The following MDGA2 variants were observed in gnomAD, a reference collection of about 807,000 sequenced individuals.
MDGA2 encodes MAM domain-containing glycosylphosphatidylinositol anchor protein 2.
MDGA2 carries 40 observed loss-of-function variants against 117.8 expected under a neutral mutation model. That is an observed-to-expected ratio of 0.34 (90% CI 0.26 to 0.44). The LOEUF is 0.44. MDGA2 is among the 20% of genes least tolerant of loss of function. The pLI is 1.00. For missense variants in MDGA2, 1,123 were observed against 1,250.6 expected (o/e 0.90, Z 1.54); for synonymous variants, 452 against 439.0 (o/e 1.03, Z -0.37).
intron 3 of MDGA2, among the ~76,000 whole-genome samples, chr14:47,211,630 C>T (rs1029056291): frequency 6.6e-6 from 1 of 152,092 alleles, no homozygotes; most frequent in Admixed American, 6.6e-5. Context: ...TGCCCTCTTC[C>T]CTAAAGGCAG....
chr14:47,147,038 CA>C (rs1882970073), intron 3 of MDGA2, among the ~76,000 whole-genome samples: 1 of 152,014 alleles, frequency 6.6e-6, no homozygotes, highest in East Asian at 1.9e-4. Context: ...GATTTAAAAA[CA>C]ACATGCCAAA....
chr14:47,177,113 C>T (rs2139352670), intron 3 of MDGA2, among the ~76,000 whole-genome samples: 1 of 152,306 alleles, frequency 6.6e-6, no homozygotes, highest in South Asian at 2.1e-4. Flanking sequence ...TACCATCTCA[C>T]ACCAGTTAGA....
intron 1 of MDGA2, among the ~76,000 whole-genome samples, chr14:47,421,159 T>C (rs1019640613): frequency 3.9e-5 from 6 of 152,104 alleles, no homozygotes; most frequent in Admixed American, 2.0e-4. Flanking sequence ...GTCAGTTTGA[T>C]GTAACGTATC....
At chr14:47,127,185 G>A (rs897252440) in intron 5 of MDGA2, among the ~76,000 whole-genome samples, 51 of 152,080 alleles carry the variant, frequency 3.4e-4, no homozygotes, top group Non-Finnish European at 1.0e-4. Flanking sequence ...TTAAAATACA[G>A]TAATTTTACG....
chr14:47,133,522 T>G (rs946468631), intron 4 of MDGA2, among the ~76,000 whole-genome samples: 13 of 151,984 alleles, frequency 8.6e-5, no homozygotes, highest in Non-Finnish European at 1.6e-4. Flanking sequence ...TAACATTTCA[T>G]TAGGTGGCAT....
intron 2 of MDGA2, among the ~76,000 whole-genome samples, chr14:47,280,679 T>C (rs1888457923): frequency 6.6e-6 from 1 of 152,062 alleles, no homozygotes; most frequent in South Asian, 2.1e-4. Flanking sequence ...TTCATCATAT[T>C]ATACTAAAAA....
chr14:47,674,694 G>C lies in MDGA2; in HGVS notation c.103C>G (p.Leu35Val). The C allele has an allele frequency of 9.1e-7, 1 of 1,104,064 alleles. No individual in the cohort carries two copies. The highest frequency in any genetic ancestry group is 1.3e-5 in the South Asian group (1 of 75,172). 68.4% of individuals were successfully genotyped at this position (1,104,064 alleles called of 1,614,324 possible). A position where few individuals can be genotyped will look rare whatever the true frequency, so the allele number is the denominator to read the frequency against. The change falls in exon 1 of 17, where the codon CTC becomes GTC. Residue 35 changes from leucine to valine, a missense_variant. Physicochemically the swap from Leu to Val is conservative, Grantham distance 32. Coordinates refer to ENST00000399232, the MANE Select transcript of MDGA2 (RefSeq NM_001113498.3). ...FLLRRAVPGH[L>V]GLARARVERA... is the part of the protein sequence containing the mutation. ...TCCACTCGCGCCCGGGCCAAGCCGA[G>C]GTGCCCGGGAACCGCTCGCCGAAGG...
chr14:47,300,296 A>C (rs920758213), intron 2 of MDGA2, among the ~76,000 whole-genome samples: 33 of 152,152 alleles, frequency 2.2e-4, no homozygotes, highest in African/African-American at 7.7e-4. Context: ...TTCCTACCAT[A>C]GTGCTTGTGT....
At chr14:47,302,275 G>A (rs895355890) in intron 1 of MDGA2, among the ~76,000 whole-genome samples, 8 of 152,162 alleles carry the variant, frequency 5.3e-5, no homozygotes, top group Admixed American at 2.6e-4. Flanking sequence ...CTTACACATC[G>A]TTGGGGACAA....
chr14:47,066,299 AT>A (rs1261584886), intron 6 of MDGA2, among the ~76,000 whole-genome samples: 1 of 152,176 alleles, frequency 6.6e-6, no homozygotes, highest in Non-Finnish European at 1.5e-5. Context: ...TATAATTGAC[AT>A]TTCAAAGCAT....
At chr14:47,009,966 C>G (rs551165897) in intron 8 of MDGA2, among the ~76,000 whole-genome samples, 35 of 152,120 alleles carry the variant, frequency 2.3e-4, no homozygotes, top group African/African-American at 6.7e-4. Flanking sequence ...TCCCTTACCC[C>G]CCTTTCCCAA....
At chr14:47,432,574 T>C (rs894562123) in intron 1 of MDGA2, among the ~76,000 whole-genome samples, 2 of 152,094 alleles carry the variant, frequency 1.3e-5, no homozygotes, top group Non-Finnish European at 2.9e-5. Context: ...AGTATATTTA[T>C]ATTTTCACTT....
At chr14:47,586,456 T>A (rs1012809263) in intron 1 of MDGA2, among the ~76,000 whole-genome samples, 7 of 151,812 alleles carry the variant, frequency 4.6e-5, no homozygotes, top group Non-Finnish European at 8.8e-5. Context: ...TTAGAAAGCT[T>A]AGAATAAAAT....
intron 1 of MDGA2, among the ~76,000 whole-genome samples, chr14:47,625,818 T>C (rs1268212594): frequency 1.3e-5 from 2 of 152,228 alleles, no homozygotes; most frequent in Non-Finnish European, 2.9e-5. Flanking sequence ...AAAGCCTTCA[T>C]TAGTGCTTTA....
At chr14:46,949,403 C>T (rs1885289467) in intron 9 of MDGA2, among the ~76,000 whole-genome samples, 1 of 151,982 alleles carries the variant, frequency 6.6e-6, no homozygotes, top group Non-Finnish European at 1.5e-5. Flanking sequence ...TTTTACATGG[C>T]TATATTGCAT....
chr14:46,908,899 T>C (rs947044806), intron 10 of MDGA2, among the ~76,000 whole-genome samples: 3 of 152,238 alleles, frequency 2.0e-5, no homozygotes, highest in Admixed American at 6.5e-5. Context: ...GGTTTGAAAA[T>C]TGTCCCAAAA....
chr14:46,871,151 G>A (rs931671517), intron 14 of MDGA2: 2 of 129,250 alleles, frequency 1.5e-5, no homozygotes, highest in Non-Finnish European at 3.3e-5. Flanking sequence ...GCAATTATGC[G>A]ATTTGTTTCC....
At chr14:47,107,121 A>C (rs1474477863) in intron 5 of MDGA2, among the ~76,000 whole-genome samples, 1 of 147,644 alleles carries the variant, frequency 6.8e-6, no homozygotes, top group African/African-American at 2.5e-5. Flanking sequence ...CCGATCATGC[A>C]CCCCTTACCA....
At chr14:47,342,999 CCTCAG>C (rs1566747206) in intron 1 of MDGA2, 4 of 1,134,738 alleles carry the variant, frequency 3.5e-6, no homozygotes. Context: ...CAGAATGCTA[CCTCAG>C]GGGAGTCAGC....
Sources: gnomAD v4.1 joint callset for allele counts (sites outside exome capture counted in the v4.1 genomes callset) on GRCh38, gnomAD v4.1.1 for gene constraint, MANE v1.5 for transcripts, NCBI Gene and HGNC (gene_info 2026-07-23, HGNC 2026-07-21) for gene names.